THSD7B: variants seen among roughly 807,000 people sequenced by gnomAD.
The protein encoded by THSD7B is thrombospondin type-1 domain-containing protein 7B.
A neutral mutation model predicts 213.6 loss-of-function variants in THSD7B; 138 were observed. The observed-to-expected ratio is 0.65, with a 90% confidence interval of 0.56 to 0.74. The LOEUF is 0.74. THSD7B is among the 30% of genes least tolerant of loss of function. The pLI, the probability that THSD7B is intolerant of heterozygous loss-of-function variation, is 0.00. For synonymous variants in THSD7B, 742 were observed against 687.0 expected (o/e 1.08, Z -1.25); for missense variants, 1,931 against 1,991.5 (o/e 0.97, Z 0.58).
chr2:137,558,044 C>G (rs971207521), intron 15 of THSD7B, among the ~76,000 whole-genome samples: 1 of 152,194 alleles, frequency 6.6e-6, no homozygotes, highest in African/African-American at 2.4e-5. Flanking sequence ...AGACCAATAA[C>G]AGGCTCTGAA....
At chr2:136,888,821 T>C (rs1683765522) in intron 2 of THSD7B, among the ~76,000 whole-genome samples, 2 of 152,274 alleles carry the variant, frequency 1.3e-5, no homozygotes, top group South Asian at 4.1e-4. Context: ...GGACAGGGCA[T>C]TTTGCTGGTT....
At chr2:136,868,779 T>A (rs1279623386) in intron 1 of THSD7B, among the ~76,000 whole-genome samples, 2 of 152,110 alleles carry the variant, frequency 1.3e-5, no homozygotes, top group Non-Finnish European at 2.9e-5. Flanking sequence ...CATTCACATA[T>A]ATGTGTGTAT....
intron 10 of THSD7B, among the ~76,000 whole-genome samples, chr2:137,268,222 T>C (rs1245531624): frequency 6.6e-6 from 1 of 152,106 alleles, no homozygotes; most frequent in Non-Finnish European, 1.5e-5. Flanking sequence ...GTTAAGTAAG[T>C]ATACATGTGC....
chr2:136,779,194 ATATATGTGTGTGTGTG>A lies in THSD7B; in HGVS notation c.-36+13509_-36+13524del, dbSNP rs1367419130. On this transcript the variant is annotated intron_variant, in intron 1 of 27. Coordinates refer to ENST00000409968, the MANE Select transcript of THSD7B (RefSeq NM_001316349.2). ...GGACACGTGTTAAAAGGCTATATAT[ATATATGTGTGTGTGTG>A]TGTGTGTGTGTGTGTGTGTGTGTGT... 9.1e-5 allele frequency among the ~76,000 whole-genome samples: 7 copies of A among 76,692 alleles called. No homozygotes were observed. The East Asian group carries it at 3.5e-3, about 38-fold the overall frequency. The allele number at this position is 76,692 out of a possible 152,430, so 50.3% of individuals were successfully genotyped here.
intron 17 of THSD7B, among the ~76,000 whole-genome samples, chr2:137,583,901 G>A (rs895128161): frequency 6.6e-6 from 1 of 152,162 alleles, no homozygotes; most frequent in Non-Finnish European, 1.5e-5. Context: ...TGATGGGGAT[G>A]ACATTGAATC....
Position 137,418,562 on chromosome 2 carries a change from T to G in THSD7B, c.2959+6690T>G, listed in dbSNP as rs187491251. ...TTTATGCTGGAAACATTCAAATTAC[T>G]CTTCTAGATATTTTGAAATGTACAA... On this transcript the variant is annotated intron_variant, in intron 14 of 27. Coordinates refer to ENST00000409968, the MANE Select transcript of THSD7B (RefSeq NM_001316349.2). 1.2e-4 allele frequency among the ~76,000 whole-genome samples: 18 copies of G among 152,334 alleles called. No individual in the cohort carries two copies. The East Asian group carries it at 3.5e-3, about 29-fold the overall frequency.
chr2:136,893,070 C>T (rs1240780090), intron 2 of THSD7B, among the ~76,000 whole-genome samples: 2 of 152,092 alleles, frequency 1.3e-5, no homozygotes, highest in African/African-American at 4.8e-5. Context: ...TCATGTCTTC[C>T]ACATTAACGG....
At chr2:136,830,272 A>AT (rs1682730024) in intron 1 of THSD7B, among the ~76,000 whole-genome samples, 1 of 152,172 alleles carries the variant, frequency 6.6e-6, no homozygotes, top group Non-Finnish European at 1.5e-5. Context: ...GACAAATGAA[A>AT]TTTTTTATGT....
At chr2:137,533,249 CA>C (rs1484549121) in intron 15 of THSD7B, among the ~76,000 whole-genome samples, 1 of 151,650 alleles carries the variant, frequency 6.6e-6, no homozygotes, top group African/African-American at 2.4e-5. Context: ...AGAAATGTTC[CA>C]GTTCTCTATA....
At chr2:137,078,261 A>G (rs1042656349) in intron 3 of THSD7B, among the ~76,000 whole-genome samples, 26 of 152,178 alleles carry the variant, frequency 1.7e-4, no homozygotes, top group Admixed American at 1.7e-3. Flanking sequence ...AGATAGCGTG[A>G]TGCCTCCAGC....
chr2:136,928,914 A>G (rs550772929), intron 2 of THSD7B, among the ~76,000 whole-genome samples: 1 of 152,294 alleles, frequency 6.6e-6, no homozygotes, highest in African/African-American at 2.4e-5. Context: ...AAATCATGAA[A>G]ATAGTTCTAT....
intron 2 of THSD7B, among the ~76,000 whole-genome samples, chr2:137,051,465 T>G (rs2104871886): frequency 6.6e-6 from 1 of 152,362 alleles, no homozygotes; most frequent in South Asian, 2.1e-4. Context: ...ATGCGGTAGC[T>G]TTTTGAGAAG....
chr2:136,888,458 G>A (rs1236807267), intron 2 of THSD7B, among the ~76,000 whole-genome samples: 4 of 151,992 alleles, frequency 2.6e-5, no homozygotes, highest in African/African-American at 9.7e-5. Context: ...TATATTAAAG[G>A]TTAGGAATTT....
intron 1 of THSD7B, among the ~76,000 whole-genome samples, chr2:136,790,119 T>TTGTGTG (rs34366029): frequency 2.7e-5 from 4 of 148,046 alleles, no homozygotes; most frequent in African/African-American, 7.4e-5. Flanking sequence ...GTGTGTGTGT[T>TTGTGTG]TGTGTGTGTG....
chr2:137,089,772 T>C lies in THSD7B; in HGVS notation c.951-5101T>C, dbSNP rs148046471. On this transcript the variant is annotated intron_variant, in intron 3 of 27. Transcript: ENST00000409968. ...CATCACCACTAAAGAACTTTAGGAG[T>C]CCAAAGAGGGCAGATCACCTGAGGT... is the stretch of plus-strand genomic sequence containing the variant. 3.9e-4 allele frequency among the ~76,000 whole-genome samples: 59 copies of C among 151,706 alleles called. 1 individual carries two copies. The East Asian group carries it at 0.011, about 28-fold the overall frequency.
chr2:137,122,189 A>C (rs2104944828), intron 5 of THSD7B, among the ~76,000 whole-genome samples: 1 of 152,302 alleles, frequency 6.6e-6, no homozygotes, highest in African/African-American at 2.4e-5. Context: ...AAAGAGGAAA[A>C]AGTTTATAGA....
chr2:137,642,742 C>A (rs1183712015), intron 21 of THSD7B, 109 bp downstream of exon 21: 3 of 1,305,870 alleles, frequency 2.3e-6, no homozygotes, highest in Non-Finnish European at 3.1e-6. Context: ...AGGGGTCTGG[C>A]ACAATGTATT....
At chr2:137,558,257 C>T (rs543059191) in intron 15 of THSD7B, among the ~76,000 whole-genome samples, 1 of 152,014 alleles carries the variant, frequency 6.6e-6, no homozygotes, top group East Asian at 1.9e-4. Flanking sequence ...AGAGACACAA[C>T]AAAAAAAGAA....
intron 1 of THSD7B, among the ~76,000 whole-genome samples, chr2:136,794,466 G>T (rs1682025195): frequency 6.6e-6 from 1 of 151,452 alleles, no homozygotes; most frequent in African/African-American, 2.4e-5. Context: ...TTATTTAGAG[G>T]TATATTACTC....
Sources: gnomAD v4.1 joint callset for allele counts (sites outside exome capture counted in the v4.1 genomes callset) on GRCh38, gnomAD v4.1.1 for gene constraint, MANE v1.5 for transcripts, NCBI Gene and HGNC (gene_info 2026-07-23, HGNC 2026-07-21) for gene names.